C1orf87: variants seen among roughly 807,000 people sequenced by gnomAD.
C1orf87 encodes the protein chromosome 1 open reading frame 87, also known as uncharacterized protein C1orf87.
In C1orf87, 58 loss-of-function variants were observed where a neutral mutation model predicts 60.5. That is an observed-to-expected ratio of 0.96 (90% confidence interval 0.78 to 1.19). The LOEUF is 1.19. Ranked by LOEUF, C1orf87 falls within the 50% of genes most tolerant of loss-of-function variation. The pLI, the probability that C1orf87 is intolerant of heterozygous loss-of-function variation, is 0.00. For synonymous variants in C1orf87, 236 were observed against 227.4 expected, an observed-to-expected ratio of 1.04 and a Z score of -0.34; for missense variants, 673 against 638.6, an observed-to-expected ratio of 1.05 and a Z score of -0.58.
chr1:60,038,040 GC>G lies in C1orf87; in HGVS notation c.814del (p.Ala272GlnfsTer5), dbSNP rs767448966. 18 of 1,610,580 alleles carry G rather than the reference GC, an allele frequency of 1.1e-5. No individual in the cohort carries two copies. Among genetic ancestry groups the G allele is most frequent in the Non-Finnish European group, 1.5e-5 (18 of 1,177,442 alleles). Reference sequence around the variant, plus strand: ...CTCAGTTTTTCTCAGGTCTGCAGCTGCTTTATTTTGCTGTGGATAATCTGAT... The same window carrying G: ...CTCAGTTTTTCTCAGGTCTGCAGCTGTTTATTTTGCTGTGGATAATCTGAT... ...AASDYPQQNKAAADLRKTESH... is the reference protein window; with the variant it reads ...AASDYPQQNKXAADLRKTESH... On this transcript the variant is annotated frameshift_variant, in exon 6 of 12. Transcript: ENST00000371201. LOFTEE classifies it high-confidence loss of function.
intron 8 of C1orf87, among the ~76,000 whole-genome samples, chr1:60,015,521 G>T (rs1437371951): frequency 1.3e-5 from 2 of 152,162 alleles, no homozygotes; most frequent in Non-Finnish European, 2.9e-5. Flanking sequence ...CAGTTCTGGA[G>T]GCTACAAGTC....
At chr1:60,034,223 A>G (rs1220841508) in intron 6 of C1orf87, among the ~76,000 whole-genome samples, 1 of 152,184 alleles carries the variant, frequency 6.6e-6, no homozygotes, top group East Asian at 1.9e-4. Context: ...CTGGCATGCA[A>G]ATGTACATAA....
intron 9 of C1orf87, among the ~76,000 whole-genome samples, chr1:60,003,337 G>C (rs1645020650): frequency 8.7e-6 from 1 of 114,554 alleles, no homozygotes; most frequent in African/African-American, 3.3e-5. Flanking sequence ...GGGGGGAGGG[G>C]GGAGGGATAG....
chr1:60,033,461 T>C lies in C1orf87; in HGVS notation c.1029+15A>G. 6.2e-7 allele frequency: 1 copy of C among 1,610,234 alleles called. No homozygotes were observed. Among genetic ancestry groups the C allele is most frequent in the Non-Finnish European group, 8.5e-7 (1 of 1,177,856 alleles). On this transcript the variant is annotated intron_variant, in intron 7 of 11. Coordinates refer to ENST00000371201, the MANE Select transcript of C1orf87 (RefSeq NM_152377.3). ...CCTTTACAGAGGAACAAATCTGAAATTGAATTTTGGTTACCTTAGGTAGAG... is the reference window on the plus strand; with the variant it reads ...CCTTTACAGAGGAACAAATCTGAAACTGAATTTTGGTTACCTTAGGTAGAG...
rs947370368 is a variant in C1orf87 at position 60,004,462 on chromosome 1, G to A, written c.1193-3306C>T. ...GACATTTTTTGGGACACTGTTTAAT[G>A]CATTATCCTTTTAAAAATAAGATCT... On this transcript the variant is annotated intron_variant, in intron 9 of 11. Transcript: ENST00000371201. 4.6e-5 allele frequency among the ~76,000 whole-genome samples: 7 copies of A among 152,038 alleles called. No individual in the cohort carries two copies. The South Asian group carries it at 6.2e-4, about 14-fold the overall frequency.
At chr1:60,034,672 C>T (rs1272241161) in intron 6 of C1orf87, among the ~76,000 whole-genome samples, 1 of 152,186 alleles carries the variant, frequency 6.6e-6, no homozygotes, top group Non-Finnish European at 1.5e-5. Context: ...ATCATTGGCC[C>T]TCATGTCTGG....
intron 2 of C1orf87, among the ~76,000 whole-genome samples, chr1:60,064,761 TA>T (rs1479319632): frequency 1.0e-5 from 1 of 96,898 alleles, no homozygotes; most frequent in Non-Finnish European, 1.8e-5. Context: ...TATATAAATA[TA>T]TAATTATATT....
chr1:60,056,838 C>T (rs1316753148), intron 2 of C1orf87, among the ~76,000 whole-genome samples: 1 of 152,110 alleles, frequency 6.6e-6, no homozygotes, highest in East Asian at 1.9e-4. Context: ...TAAATTCTAG[C>T]TGTTATTTAT....
chr1:60,007,192 G>A (rs1484076485), intron 9 of C1orf87, among the ~76,000 whole-genome samples: 1 of 152,022 alleles, frequency 6.6e-6, no homozygotes, highest in African/African-American at 2.4e-5. Context: ...GACTATGGGT[G>A]TGAGCCACAG....
chr1:60,024,243 C>T (rs1645183527), intron 8 of C1orf87, among the ~76,000 whole-genome samples: 2 of 152,182 alleles, frequency 1.3e-5, no homozygotes, highest in Admixed American at 6.5e-5. Flanking sequence ...AATTGGGGGA[C>T]TTTGTTCTTA....
At chr1:60,043,190 G>A (rs549680358) in intron 3 of C1orf87, among the ~76,000 whole-genome samples, 3 of 152,298 alleles carry the variant, frequency 2.0e-5, no homozygotes, top group African/African-American at 7.2e-5. Context: ...GAAAGGCAAT[G>A]AATTACCTTT....
chr1:60,029,098 T>C (rs541276917), intron 7 of C1orf87, among the ~76,000 whole-genome samples: 1 of 152,310 alleles, frequency 6.6e-6, no homozygotes, highest in African/African-American at 2.4e-5. Context: ...TCTACCCCTC[T>C]CAATTATTCC....
In C1orf87 at chr1:60,071,203, A is replaced by G. The variant is rs537404530; in HGVS notation, c.107+1334T>C. Among the ~76,000 whole-genome samples, 75 of 152,330 alleles carry G rather than the reference A, an allele frequency of 4.9e-4. 1 individual carries two copies. Among genetic ancestry groups the G allele is most frequent in the South Asian group, 8.3e-4 (4 of 4,824 alleles). On this transcript the variant is annotated intron_variant, in intron 2 of 11. Transcript: ENST00000371201. ...TTCGATTTTTTGTTACATTTTTTAT[A>G]TCTATAGAAAGACTTCTATAATAAT...
intron 7 of C1orf87, among the ~76,000 whole-genome samples, chr1:60,026,740 C>T (rs1258190455): frequency 6.6e-6 from 1 of 152,056 alleles, no homozygotes; most frequent in South Asian, 2.1e-4. Context: ...GCTATTTAGT[C>T]CAAACATAAC....
At chr1:60,048,242 C>A (rs1014430833) in intron 3 of C1orf87, among the ~76,000 whole-genome samples, 1 of 152,212 alleles carries the variant, frequency 6.6e-6, no homozygotes, top group African/African-American at 2.4e-5. Flanking sequence ...AGAGAGAAGC[C>A]CAAATGAGGA....
chr1:60,066,895 T>C (rs777773299), intron 2 of C1orf87, among the ~76,000 whole-genome samples: 8 of 152,122 alleles, frequency 5.3e-5, no homozygotes, highest in Non-Finnish European at 1.0e-4. Context: ...GTTTTCATTG[T>C]TCACCTCCCA....
chr1:60,028,574 TA>T (rs992727859), intron 7 of C1orf87, among the ~76,000 whole-genome samples: 36 of 152,276 alleles, frequency 2.4e-4, no homozygotes, highest in African/African-American at 8.7e-4. Context: ...TATCTGTTAT[TA>T]AAAAAACATG....
intron 9 of C1orf87, among the ~76,000 whole-genome samples, chr1:60,006,010 T>C (rs1049341426): frequency 6.6e-6 from 1 of 152,014 alleles, no homozygotes; most frequent in African/African-American, 2.4e-5. Flanking sequence ...CTTGGTTCAA[T>C]GATGGCCATA....
At chr1:59,996,302 T>C (rs1310618445) in intron 11 of C1orf87, among the ~76,000 whole-genome samples, 1 of 152,204 alleles carries the variant, frequency 6.6e-6, no homozygotes, top group Non-Finnish European at 1.5e-5. Context: ...GACCATGTGC[T>C]TTTCTATCTG....
Sources: allele counts gnomAD v4.1 joint callset (sites outside exome capture counted in the v4.1 genomes callset), GRCh38; gene constraint gnomAD v4.1.1; transcripts MANE v1.5; gene names NCBI Gene and HGNC (gene_info 2026-07-23, HGNC 2026-07-21).